The following CLCN2 variants were observed in gnomAD, a reference collection of about 807,000 sequenced individuals.
CLCN2 encodes the protein chloride channel protein 2.
CLCN2 carries 72 observed loss-of-function variants against 108.3 expected under a neutral mutation model. That is an observed-to-expected ratio of 0.66 (90% CI 0.55 to 0.81). CLCN2 has a LOEUF of 0.81. CLCN2 is among the 30% of genes least tolerant of loss of function. The pLI is 0.00. For synonymous variants in CLCN2, 471 were observed against 467.1 expected (o/e 1.01, Z -0.11); for missense variants, 1,048 against 1,205.2 (o/e 0.87, Z 1.93).
intron 1 of CLCN2, among the ~76,000 whole-genome samples, chr3:184,359,987 G>C (rs1177198287): frequency 2.0e-5 from 3 of 151,236 alleles, no homozygotes; most frequent in African/African-American, 4.8e-5. Flanking sequence ...GGGCTGGGAT[G>C]GGGGGGAGGG....
In CLCN2 at chr3:184,353,075, T is replaced by A. The variant is rs200416033; in HGVS notation, c.2101A>T (p.Arg701Trp). The A allele has an allele frequency of 2.9e-5, 46 of 1,613,980 alleles. No homozygotes were observed. Among genetic ancestry groups the A allele is most frequent in the Non-Finnish European group, 3.7e-5 (44 of 1,179,970 alleles). ...THKPLKPALK[R>W]GPSVTRNLGE... is the part of the protein sequence containing the mutation. ...AGGTTCCTGGTGACACTGGGCCCCC[T>A]CTTGAGTGCAGGCTTTAGGGGCTTG... The change falls in exon 18 of 24, where the codon AGG becomes TGG. Residue 701 changes from arginine (R) to tryptophan (W), a missense_variant. Physicochemically the swap from Arg to Trp is moderately radical, Grantham distance 101. Coordinates refer to ENST00000265593, the MANE Select transcript of CLCN2 (RefSeq NM_004366.6).
chr3:184,355,852 C>T lies in CLCN2; in HGVS notation c.1086-74G>A, dbSNP rs527457737. The T allele has an allele frequency of 1.6e-4, 195 of 1,182,042 alleles. No homozygotes were observed. Among genetic ancestry groups the T allele is most frequent in the Admixed American group, 5.9e-4 (32 of 54,120 alleles). 73.2% of individuals were successfully genotyped at this position (1,182,042 alleles called of 1,614,324 possible). On this transcript the variant is annotated intron_variant, in intron 10 of 23. Coordinates refer to ENST00000265593, the MANE Select transcript of CLCN2 (RefSeq NM_004366.6). The surrounding 1 kb of genome is among the most constrained non-coding windows in gnomAD (Gnocchi z 6.3). ...GCCTCGCATATCTCAGGGCTGAGGT[C>T]AGAGCAGAGCCTTGGCTCTTTCATG...
intron 15 of CLCN2, 119 bp downstream of exon 15, chr3:184,353,982 G>A (rs369543766): frequency 5.9e-6 from 8 of 1,352,978 alleles, no homozygotes; most frequent in East Asian, 2.5e-5. Context: ...GAGTGTGGAC[G>A]AAGGTGGCTC....
Position 184,354,319 on chromosome 3 carries a change from G to T in CLCN2, c.1508-5C>A. On this transcript the variant is annotated splice_polypyrimidine_tract_variant and splice_region_variant and intron_variant, in intron 14 of 23. Coordinates refer to ENST00000265593, the MANE Select transcript of CLCN2 (RefSeq NM_004366.6). Reference sequence around the variant, plus strand: ...CTCCTGCCAGCGCAGCTGCCCCTGGGGACAGTCACACTCAGTCTCCTCAGG... The same window carrying T: ...CTCCTGCCAGCGCAGCTGCCCCTGGTGACAGTCACACTCAGTCTCCTCAGG... 6.2e-7 allele frequency: 1 copy of T among 1,612,732 alleles called. No homozygotes were observed. The highest frequency in any genetic ancestry group is 8.5e-7 in the Non-Finnish European group (1 of 1,179,818).
In CLCN2 at chr3:184,353,138, C is replaced by G; in HGVS notation, c.2038G>C (p.Glu680Gln). The G allele has an allele frequency of 6.2e-7, 1 of 1,614,166 alleles. No homozygotes were observed. Among genetic ancestry groups the G allele is most frequent in the Non-Finnish European group, 8.5e-7 (1 of 1,180,008 alleles). ...EASVCFQVNT[E>Q]DSAFPAARGE... is the part of the protein sequence containing the mutation. ...CGGGCTGCTGGGAAGGCTGAGTCTT[C>G]TGTGTTCACCTGCATAGGCAGGAAG... The change falls in exon 18 of 24, where the codon GAA becomes CAA. Residue 680 changes from glutamate (E) to glutamine (Q), a missense_variant. Physicochemically the swap from Glu to Gln is conservative, Grantham distance 29. Coordinates refer to ENST00000265593, the MANE Select transcript of CLCN2 (RefSeq NM_004366.6).
In CLCN2 at chr3:184,346,514, G is replaced by C. The variant is rs912999970; in HGVS notation, c.*92C>G. On this transcript the variant is annotated 3_prime_UTR_variant, in exon 24 of 24. Coordinates refer to ENST00000265593, the MANE Select transcript of CLCN2 (RefSeq NM_004366.6). This position sits in a 1 kb window ranked among gnomAD's most constrained non-coding sequence, Gnocchi z 6.0. ...TGGGGTGCAGCCTCCAGCTGTAGCT[G>C]CCTCCTGCCTTCCGAAGGCAGAAGG... The C allele has an allele frequency of 6.6e-5, 96 of 1,463,742 alleles. No homozygotes were observed. Among genetic ancestry groups the C allele is most frequent in the Non-Finnish European group, 8.6e-5 (91 of 1,058,358 alleles). 90.7% of individuals were successfully genotyped at this position (1,463,742 alleles called of 1,614,324 possible).
intron 22 of CLCN2, 107 bp downstream of exon 22, chr3:184,351,906 C>A (rs550709828): frequency 1.4e-5 from 12 of 840,528 alleles, no homozygotes; most frequent in Non-Finnish European, 2.1e-5. Flanking sequence ...CAACTCCCTT[C>A]TCCTCCCTCC....
Position 184,354,564 on chromosome 3 carries a change from C to G in CLCN2, c.1491G>C (p.Gly497=). 6.2e-7 allele frequency: 1 copy of G among 1,613,162 alleles called. No individual in the cohort carries two copies. The highest frequency in any genetic ancestry group is 1.1e-5 in the South Asian group (1 of 91,070). ...TDSSTYRIVP[G]GYAVVGAAAL... ...GGCACTCACCGACCACAGCGTAGCC[C>G]CCAGGCACAATCCGGTAGGTGCTGC... Residue 497 remains glycine (G), a synonymous_variant, in exon 14 of 24, where the codon GGG becomes GGC. Coordinates refer to ENST00000265593, the MANE Select transcript of CLCN2 (RefSeq NM_004366.6).
Position 184,361,388 on chromosome 3 carries a change from C to T in CLCN2, c.63+29G>A. ...CCTGGAGCAGGGGTCCCGGAGCGCA[C>T]TCCTGGGGCTCAGCTCAGCTTCACT... On this transcript the variant is annotated intron_variant, in intron 1 of 23. Coordinates refer to ENST00000265593, the MANE Select transcript of CLCN2 (RefSeq NM_004366.6). The surrounding 1 kb of genome is among the most constrained non-coding windows in gnomAD (Gnocchi z 6.6). 1 of 1,611,756 alleles carries T rather than the reference C, an allele frequency of 6.2e-7. No homozygotes were observed. The highest frequency in any genetic ancestry group is 8.5e-7 in the Non-Finnish European group (1 of 1,178,178).
At position 184,357,015 on chromosome 3, in the gene CLCN2, T is replaced by C; in HGVS notation, c.1063A>G (p.Ile355Val). 6.2e-6 allele frequency: 10 copies of C among 1,613,562 alleles called. No homozygotes were observed. Among genetic ancestry groups the C allele is most frequent in the Non-Finnish European group, 7.6e-6 (9 of 1,179,866 alleles). ...IVQVMRKQKT[I>V]NRFLMRKRLL... ...CACTTCCTCATGAGGAAGCGATTGA[T>C]GGTTTTCTGCTTCCGCATCACCTGG... The change falls in exon 10 of 24, where the codon ATC becomes GTC. Residue 355 changes from isoleucine to valine, a missense_variant. Transcript: ENST00000265593.
chr3:184,352,590 G>GCA, intron 19 of CLCN2, 94 bp from the exon 20 acceptor site: 5 of 1,462,290 alleles, frequency 3.4e-6, no homozygotes, highest in Non-Finnish European at 4.8e-6. Flanking sequence ...AGGGGAAAGG[G>GCA]CACGCCACAG....
intron 14 of CLCN2, 21 bp downstream of exon 14, chr3:184,354,527 G>C (rs749236237): frequency 5.6e-6 from 9 of 1,597,036 alleles, no homozygotes; most frequent in South Asian, 2.2e-5. Flanking sequence ...TCCCAAGGCC[G>C]ATGGGACCTG....
chr3:184,352,835 AG>A (rs1446927130), intron 18 of CLCN2, 25 bp from the exon 19 acceptor site: 3 of 1,612,150 alleles, frequency 1.9e-6, no homozygotes, highest in Middle Eastern at 1.6e-4. Flanking sequence ...ATAAGGCCCC[AG>A]GGGGCAATGT....
At chr3:184,353,862 C>G in intron 15 of CLCN2, 67 bp from the exon 16 acceptor site, 1 of 1,573,558 alleles carries the variant, frequency 6.4e-7, no homozygotes, top group Non-Finnish European at 8.6e-7. Context: ...CATTGCCATC[C>G]CAGGGCCACA....
At chr3:184,347,079 C>T in intron 22 of CLCN2, 58 bp from the exon 23 acceptor site, 16 of 1,435,054 alleles carry the variant, frequency 1.1e-5, no homozygotes, top group Non-Finnish European at 1.5e-5. Context: ...CTCTAAATGA[C>T]AGGCCACAGG....
rs1728453498 is a variant in CLCN2 at position 184,355,193 on chromosome 3, C to T, written c.1326+181G>A. ...CTTGGGTTCAGATCATCGCTCTGCC[C>T]TCTAGCTGTGTGACTTTGGGCCAGC... On this transcript the variant is annotated intron_variant, in intron 12 of 23. Transcript: ENST00000265593. This position sits in a 1 kb window ranked among gnomAD's most constrained non-coding sequence, Gnocchi z 6.3. The T allele has an allele frequency of 1.2e-6, 1 of 813,232 alleles. No individual in the cohort carries two copies. 50.4% of individuals were successfully genotyped at this position (813,232 alleles called of 1,614,324 possible).
At chr3:184,351,293 C>T (rs1033522271) in intron 22 of CLCN2, among the ~76,000 whole-genome samples, 6 of 152,128 alleles carry the variant, frequency 3.9e-5, no homozygotes, top group Non-Finnish European at 2.9e-5. Flanking sequence ...CACCCCTTGG[C>T]TTCTGCTGGT....
Position 184,358,713 on chromosome 3 carries a change from G to C in CLCN2, c.321C>G (p.Val107=). The C allele has an allele frequency of 1.3e-6, 2 of 1,587,704 alleles. No homozygotes were observed. The highest frequency in any genetic ancestry group is 1.7e-6 in the Non-Finnish European group (2 of 1,165,700). The change falls in exon 3 of 24, where the codon GTC becomes GTG. Residue 107 remains valine (V), a synonymous_variant. Transcript: ENST00000265593. Reference sequence around the variant, plus strand: ...GACAGGCAGCAATGGCATAGTCCATGACCCAGCTGACCAATGCCATGAGAA... The same window carrying C: ...GACAGGCAGCAATGGCATAGTCCATCACCCAGCTGACCAATGCCATGAGAA... ...LGLLMALVSW[V]MDYAIAACLQ...
At chr3:184,352,555 G>C (rs1728192985) in intron 19 of CLCN2, 59 bp from the exon 20 acceptor site, 2 of 1,564,746 alleles carry the variant, frequency 1.3e-6, no homozygotes, top group African/African-American at 1.3e-5. Context: ...AGGGAGAGGG[G>C]AGGTGAGGGG....
Sources: allele counts gnomAD v4.1 joint callset (sites outside exome capture counted in the v4.1 genomes callset), GRCh38; gene constraint gnomAD v4.1.1; non-coding constraint Gnocchi (gnomAD v3.1); transcripts MANE v1.5; gene names NCBI Gene and HGNC (gene_info 2026-07-23, HGNC 2026-07-21).